The following PIP4K2A variants were observed in gnomAD, a reference collection of about 807,000 sequenced individuals.
PIP4K2A encodes the protein phosphatidylinositol-5-phosphate 4-kinase type 2 alpha.
Under a neutral mutation model 42.9 loss-of-function variants are expected in PIP4K2A, and 14 were observed. That is an observed-to-expected ratio of 0.33 (90% CI 0.22 to 0.51). PIP4K2A has a LOEUF of 0.51. Ranked by LOEUF, PIP4K2A falls within the 20% of genes least tolerant of loss-of-function variation. The pLI is 0.97. For missense variants in PIP4K2A, 434 were observed against 519.8 expected, an observed-to-expected ratio of 0.83 and a Z score of 1.61; for synonymous variants, 192 against 192.2, an observed-to-expected ratio of 1.00 and a Z score of 0.01.
chr10:22,672,787 G>A (rs1385650270), intron 1 of PIP4K2A, among the ~76,000 whole-genome samples: 1 of 152,150 alleles, frequency 6.6e-6, no homozygotes, highest in Non-Finnish European at 1.5e-5. Context: ...AATTTAGGAT[G>A]TCCTTCTTCA....
At chr10:22,621,760 A>G (rs1290013554) in intron 1 of PIP4K2A, among the ~76,000 whole-genome samples, 1 of 152,260 alleles carries the variant, frequency 6.6e-6, no homozygotes, top group Non-Finnish European at 1.5e-5. Flanking sequence ...AGGGGATGGC[A>G]TGTACAGTTC....
At chr10:22,600,006 T>G (rs1411905296) in intron 3 of PIP4K2A, among the ~76,000 whole-genome samples, 1 of 152,212 alleles carries the variant, frequency 6.6e-6, no homozygotes, top group Admixed American at 6.5e-5. Context: ...GGTCCAGGAT[T>G]AGTGGAGCCC....
At chr10:22,707,924 A>G (rs1833850903) in intron 1 of PIP4K2A, among the ~76,000 whole-genome samples, 1 of 152,188 alleles carries the variant, frequency 6.6e-6, no homozygotes, top group African/African-American at 2.4e-5. Context: ...CCTCATTCTG[A>G]GGAGTCTATG....
At chr10:22,543,876 G>A (rs12266802) in intron 7 of PIP4K2A, among the ~76,000 whole-genome samples, 3,052 of 152,248 alleles carry the variant, frequency 0.02, 76 homozygotes, top group African/African-American at 0.069. Flanking sequence ...GGCACTCCGG[G>A]GTATAGGGAC....
intron 4 of PIP4K2A, among the ~76,000 whole-genome samples, chr10:22,581,068 G>A (rs2130806703): frequency 6.6e-6 from 1 of 152,306 alleles, no homozygotes; most frequent in South Asian, 2.1e-4. Flanking sequence ...CCAGATAAGT[G>A]GGCTTATTCT....
chr10:22,555,692 C>T (rs1836520289), intron 6 of PIP4K2A, among the ~76,000 whole-genome samples: 1 of 151,864 alleles, frequency 6.6e-6, no homozygotes, highest in African/African-American at 2.4e-5. Context: ...TAGTAACTTG[C>T]TATGTCTATT....
At chr10:22,625,018 G>A (rs1467653699) in intron 1 of PIP4K2A, among the ~76,000 whole-genome samples, 2 of 152,128 alleles carry the variant, frequency 1.3e-5, no homozygotes, top group African/African-American at 4.8e-5. Flanking sequence ...CTTCCAATAA[G>A]TTTCAGAATA....
chr10:22,549,668 C>T (rs533388904), intron 7 of PIP4K2A, among the ~76,000 whole-genome samples: 72 of 151,466 alleles, frequency 4.8e-4, no homozygotes, highest in African/African-American at 1.6e-3. Context: ...GGTGAAACCC[C>T]GTCTCTAATA....
chr10:22,591,715 T>C lies in PIP4K2A; in HGVS notation c.406A>G (p.Thr136Ala), dbSNP rs1194874535. The change falls in exon 4 of 10, where the codon ACT (threonine) becomes GCT (alanine). Residue 136 changes from threonine (T) to alanine (A), a missense_variant. Thr to Ala is a moderately conservative substitution (Grantham distance 58). Coordinates refer to ENST00000376573, the MANE Select transcript of PIP4K2A (RefSeq NM_005028.5). Reference sequence around the variant, plus strand: ...ATGATGTATCTTTTGTCGTAGGAAGTGTGAAAACGAGCTCCACTGCGGGCC... The same window carrying C: ...ATGATGTATCTTTTGTCGTAGGAAGCGTGAAAACGAGCTCCACTGCGGGCC... ...SQARSGARFH[T>A]SYDKRYIIKT... 4 of 1,613,492 alleles carry C rather than the reference T, an allele frequency of 2.5e-6. No individual in the cohort carries two copies. The highest frequency in any genetic ancestry group is 2.2e-5 in the East Asian group (1 of 44,850).
intron 9 of PIP4K2A, chr10:22,539,751 T>C (rs1836042201): frequency 1.8e-6 from 1 of 548,428 alleles, no homozygotes; most frequent in Non-Finnish European, 3.3e-6. Context: ...CGTTTGTGGG[T>C]TCTGTATCTT....
rs1287239670 is a variant in PIP4K2A at position 22,664,138 on chromosome 10, TATAC to T, written c.144+50041_144+50044del. ...ATACATATATATATATACATATATA[TATAC>T]ATATATATACACATATATATATATA... On this transcript the variant is annotated intron_variant, in intron 1 of 9. Transcript: ENST00000376573. Among the ~76,000 whole-genome samples the T allele has an allele frequency of 6.6e-5, 3 of 45,780 alleles. No individual in the cohort carries two copies. The African/African-American group carries it at 7.4e-4, about 11-fold the overall frequency. The allele number at this position is 45,780 out of a possible 152,430, so 30.0% of individuals were successfully genotyped here. A position where few individuals can be genotyped will look rare whatever the true frequency, so the allele number is the denominator to read the frequency against.
At chr10:22,686,117 T>C (rs959545170) in intron 1 of PIP4K2A, among the ~76,000 whole-genome samples, 2 of 152,108 alleles carry the variant, frequency 1.3e-5, no homozygotes, top group Non-Finnish European at 1.5e-5. Flanking sequence ...ATCCATCCTG[T>C]CTATCACTGT....
chr10:22,685,908 T>C (rs1839755348), intron 1 of PIP4K2A, among the ~76,000 whole-genome samples: 1 of 152,208 alleles, frequency 6.6e-6, no homozygotes, highest in Admixed American at 6.5e-5. Context: ...TATTTTGTTG[T>C]TTGTAATTTA....
At chr10:22,567,029 C>A (rs532459003) in intron 6 of PIP4K2A, among the ~76,000 whole-genome samples, 1 of 152,310 alleles carries the variant, frequency 6.6e-6, no homozygotes, top group Admixed American at 6.5e-5. Flanking sequence ...CTCAAAACTG[C>A]TATCAGTCTA....
intron 4 of PIP4K2A, among the ~76,000 whole-genome samples, chr10:22,582,708 G>A (rs1282791509): frequency 1.3e-5 from 2 of 151,946 alleles, no homozygotes; most frequent in African/African-American, 4.8e-5. Flanking sequence ...GGGAAAGGAA[G>A]GGAAGGAAAA....
intron 8 of PIP4K2A, 51 bp downstream of exon 8, chr10:22,541,753 C>G: frequency 6.7e-7 from 1 of 1,495,300 alleles, no homozygotes; most frequent in East Asian, 2.4e-5. Context: ...ATAACAAGGC[C>G]AAAGTCAAAC....
intron 3 of PIP4K2A, among the ~76,000 whole-genome samples, chr10:22,606,453 C>G (rs1837909178): frequency 6.6e-6 from 1 of 152,220 alleles, no homozygotes; most frequent in South Asian, 2.1e-4. Context: ...GTCTGGACCT[C>G]CATGTAAACC....
At chr10:22,710,648 G>T (rs1833897639) in intron 1 of PIP4K2A, among the ~76,000 whole-genome samples, 1 of 152,038 alleles carries the variant, frequency 6.6e-6, no homozygotes, top group Non-Finnish European at 1.5e-5. Flanking sequence ...TCTTCACATG[G>T]TTCCATTACC....
chr10:22,630,622 G>A (rs1838528246), intron 1 of PIP4K2A, among the ~76,000 whole-genome samples: 2 of 152,204 alleles, frequency 1.3e-5, no homozygotes, highest in Non-Finnish European at 2.9e-5. Context: ...CCTTACAGCA[G>A]TGACCCAACC....
Sources: gnomAD v4.1 joint callset for allele counts (sites outside exome capture counted in the v4.1 genomes callset) on GRCh38, gnomAD v4.1.1 for gene constraint, MANE v1.5 for transcripts, NCBI Gene and HGNC (gene_info 2026-07-23, HGNC 2026-07-21) for gene names.